AOPEP: variants seen among roughly 807,000 people sequenced by gnomAD.
AOPEP encodes the protein aminopeptidase O (putative).
Under a neutral mutation model 98.1 loss-of-function variants are expected in AOPEP, and 77 were observed. The ratio of observed to expected loss-of-function variants is 0.78; its 90% confidence interval spans 0.65 to 0.95. AOPEP has a LOEUF of 0.95. Among genes scored for constraint, AOPEP ranks in the 40% least tolerant of loss-of-function variants. The pLI, the probability that AOPEP is intolerant of heterozygous loss-of-function variation, is 0.00. For missense variants in AOPEP, 1,024 were observed against 1,024.7 expected, an observed-to-expected ratio of 1.00 and a Z score of 0.01; for synonymous variants, 346 against 365.3, an observed-to-expected ratio of 0.95 and a Z score of 0.60.
At chr9:94,955,113 C>A (rs2058364714) in intron 7 of AOPEP, 64 bp from the exon 8 acceptor site, 3 of 848,514 alleles carry the variant, frequency 3.5e-6, no homozygotes, top group East Asian at 2.5e-5. Flanking sequence ...AAATAAGATG[C>A]TATTATGACC....
chr9:95,046,108 C>G lies in AOPEP; in HGVS notation c.2116-14586C>G, dbSNP rs181087851. On this transcript the variant is annotated intron_variant, in intron 13 of 16. Coordinates refer to ENST00000375315, the MANE Select transcript of AOPEP (RefSeq NM_001193329.3). The stretch of plus-strand genomic sequence containing the variant: ...GGCCACTGATTCAACTTCCGAAAAG[C>G]AAAATGGAGATTATAAAAATGGCGT... Among the ~76,000 whole-genome samples, 901 of 152,248 alleles carry G rather than the reference C, an allele frequency of 5.9e-3. 6 individuals are homozygous for G. The highest frequency in any genetic ancestry group is 0.011 in the Non-Finnish European group (731 of 68,010).
rs1848004824 is a variant in AOPEP at position 94,800,614 on chromosome 9, G to A, written c.1119-143G>A. 3 of 843,062 alleles carry A rather than the reference G, an allele frequency of 3.6e-6. No individual in the cohort carries two copies. In the South Asian group the frequency reaches 4.6e-5, roughly 13 times the overall value. 52.2% of individuals were successfully genotyped at this position (843,062 alleles called of 1,614,324 possible). On this transcript the variant is annotated intron_variant, in intron 4 of 16. Transcript: ENST00000375315. ...TTCACTGCTGCACAGAGCCAGTCAA[G>A]CCAAGAATTGAAATGAGCAGTCTTT...
rs530543016 is a variant in AOPEP, at chr9:94,800,915, C to G, written c.1277C>G (p.Ala426Gly). 6.2e-7 allele frequency: 1 copy of G among 1,614,188 alleles called. No individual in the cohort carries two copies. The highest frequency in any genetic ancestry group is 2.2e-5 in the East Asian group (1 of 44,870). The change falls in exon 5 of 17, where the codon GCA (alanine) becomes GGA (glycine). Residue 426 changes from alanine (A) to glycine (G), a missense_variant. By Grantham distance (60) the Ala-to-Gly change is moderately conservative. Coordinates refer to ENST00000375315, the MANE Select transcript of AOPEP (RefSeq NM_001193329.3). Reference sequence around the variant, plus strand: ...CGGCTGATCCCTCCTTGCCTCTCAGCAGCACATTCTGTTCTGGGAGCACAC... The same window carrying G: ...CGGCTGATCCCTCCTTGCCTCTCAGGAGCACATTCTGTTCTGGGAGCACAC... Reference protein sequence around the residue: ...LLRLIPPCLSAAHSVLGAHPF... With the variant: ...LLRLIPPCLSGAHSVLGAHPF...
At chr9:95,018,633 T>C (rs2063201305) in intron 13 of AOPEP, among the ~76,000 whole-genome samples, 1 of 152,260 alleles carries the variant, frequency 6.6e-6, no homozygotes, top group South Asian at 2.1e-4. Context: ...CAAAATCATC[T>C]GTTCTTATCC....
At chr9:94,902,296 G>T (rs1391106312) in intron 5 of AOPEP, among the ~76,000 whole-genome samples, 2 of 152,166 alleles carry the variant, frequency 1.3e-5, no homozygotes, top group African/African-American at 4.8e-5. Context: ...AAGCTGGCTG[G>T]ATCTTGCTTT....
the AOPEP span, chr9:95,099,966 A>T: frequency 4.3e-6 from 1 of 232,424 alleles, no homozygotes; most frequent in Non-Finnish European, 8.5e-6. Flanking sequence ...CTGTCCCAGG[A>T]GTCCCTCCAC....
At chr9:94,921,100 G>A (rs1355407993) in intron 5 of AOPEP, 2 of 149,982 alleles carry the variant, frequency 1.3e-5, no homozygotes, top group Non-Finnish European at 3.0e-5. Flanking sequence ...AGAAAGAAAC[G>A]TTTTTAGGAT....
chr9:94,754,430 A>C (rs1836534107), intron 1 of AOPEP, among the ~76,000 whole-genome samples: 1 of 152,264 alleles, frequency 6.6e-6, no homozygotes, highest in East Asian at 1.9e-4. Flanking sequence ...GCATATGTGC[A>C]AAAATAATTT....
At chr9:94,961,696 AT>A (rs1485118863) in intron 9 of AOPEP, among the ~76,000 whole-genome samples, 2 of 151,406 alleles carry the variant, frequency 1.3e-5, no homozygotes, top group Non-Finnish European at 2.9e-5. Context: ...TTATGTTTTT[AT>A]TTTTTCTGTA....
intron 11 of AOPEP, among the ~76,000 whole-genome samples, 161 bp downstream of exon 11, chr9:94,979,588 TC>T (rs541543588): frequency 4.1e-4 from 63 of 152,112 alleles, no homozygotes; most frequent in Admixed American, 1.2e-3. Context: ...CTCCCGCATT[TC>T]CCCCCCTCAT....
the AOPEP span, among the ~76,000 whole-genome samples, chr9:95,135,121 C>T: frequency 3.9e-5 from 6 of 152,220 alleles, no homozygotes; most frequent in South Asian, 4.2e-4. Flanking sequence ...ATGTGATATA[C>T]GGCATATCAA....
chr9:95,042,351 CATAAATAA>C lies in AOPEP; in HGVS notation c.2116-18333_2116-18326del, dbSNP rs796782521. ...AAATAAATAAATAAATACATAAATA[CATAAATAA>C]ATAAATAAAAATAAAGGATGTCATT... On this transcript the variant is annotated intron_variant, in intron 13 of 16. Transcript: ENST00000375315. 9.8e-3 allele frequency among the ~76,000 whole-genome samples: 1,069 copies of C among 109,028 alleles called. 11 individuals are homozygous for C. Among genetic ancestry groups the C allele is most frequent in the African/African-American group, 0.029 (994 of 34,280 alleles). The allele number at this position is 109,028 out of a possible 152,430, so 71.5% of individuals were successfully genotyped here. A position where few individuals can be genotyped will look rare whatever the true frequency, so the allele number is the denominator to read the frequency against.
intron 3 of AOPEP, among the ~76,000 whole-genome samples, chr9:94,785,393 C>A (rs527731940): frequency 5.3e-5 from 8 of 152,112 alleles, no homozygotes; most frequent in Non-Finnish European, 1.2e-4. Context: ...ATTGTCAATA[C>A]GTCATACGAT....
At chr9:94,997,334 A>G (rs2061305544) in intron 11 of AOPEP, among the ~76,000 whole-genome samples, 1 of 152,222 alleles carries the variant, frequency 6.6e-6, no homozygotes, top group African/African-American at 2.4e-5. Context: ...TGTGTCTGCC[A>G]TCTGCCAAAT....
intron 5 of AOPEP, among the ~76,000 whole-genome samples, chr9:94,890,995 T>A (rs2048815057): frequency 6.6e-6 from 1 of 152,268 alleles, no homozygotes; most frequent in African/African-American, 2.4e-5. Flanking sequence ...AGATCCTTGC[T>A]GATTTTCTGT....
intron 9 of AOPEP, among the ~76,000 whole-genome samples, chr9:94,962,888 C>T (rs1351183974): frequency 6.6e-6 from 1 of 152,202 alleles, no homozygotes; most frequent in Non-Finnish European, 1.5e-5. Flanking sequence ...GGACTACAGG[C>T]ACCCGCCACC....
chr9:94,845,463 G>A (rs747716356), intron 5 of AOPEP, among the ~76,000 whole-genome samples: 1 of 152,214 alleles, frequency 6.6e-6, no homozygotes, highest in African/African-American at 2.4e-5. Flanking sequence ...GGAGTAACAC[G>A]ATTTGAGGTG....
chr9:94,774,433 G>T (rs796535954), intron 3 of AOPEP, among the ~76,000 whole-genome samples: 7 of 150,730 alleles, frequency 4.6e-5, no homozygotes, highest in African/African-American at 1.7e-4. Context: ...CTAAGATTTT[G>T]TTACATTTCC....
At chr9:95,048,962 C>G (rs1448741730) in intron 13 of AOPEP, 2 of 152,212 alleles carry the variant, frequency 1.3e-5, no homozygotes, top group Admixed American at 6.5e-5. Context: ...GCGCGTTCAC[C>G]CGACGGGACC....
Sources: allele counts gnomAD v4.1 joint callset (sites outside exome capture counted in the v4.1 genomes callset), GRCh38; gene constraint gnomAD v4.1.1; transcripts MANE v1.5; gene names NCBI Gene and HGNC (gene_info 2026-07-23, HGNC 2026-07-21).